FLT3LG: variants seen among roughly 807,000 people sequenced by gnomAD.
FLT3LG encodes the protein fms related receptor tyrosine kinase 3 ligand.
In FLT3LG, 8 loss-of-function variants were observed where a neutral mutation model predicts 30.9. The ratio of observed to expected loss-of-function variants is 0.26; its 90% CI spans 0.15 to 0.47. The LOEUF is 0.47. Among genes scored for constraint, FLT3LG ranks in the 20% least tolerant of loss-of-function variants. FLT3LG has a pLI of 0.99. For missense variants in FLT3LG, 278 were observed against 306.2 expected (o/e 0.91, Z 0.69); for synonymous variants, 123 against 135.9 (o/e 0.91, Z 0.66).
In FLT3LG at chr19:49,480,358, C is replaced by A. The variant is rs201892508; in HGVS notation, c.542C>A (p.Ala181Asp). 18 of 1,610,210 alleles carry A rather than the reference C, an allele frequency of 1.1e-5. No homozygotes were observed. In the East Asian group the frequency reaches 4.0e-4, roughly 36 times the overall value. Reference sequence around the variant, plus strand: ...CCCCTGGAGGCCACAGCCCCGACAGCCCCGCAGCCCCCTCTGCTCCTCCTA... The same window carrying A: ...CCCCTGGAGGCCACAGCCCCGACAGACCCGCAGCCCCCTCTGCTCCTCCTA... ...PRPLEATAPT[A>D]PQPPLLLLLL... Residue 181 changes from alanine (A) to aspartate (D), a missense_variant, in exon 7 of 9, where the codon GCC becomes GAC. Transcript: ENST00000597551.
chr19:49,477,423 G>A (rs988856389), intron 5 of FLT3LG, among the ~76,000 whole-genome samples: 18 of 152,086 alleles, frequency 1.2e-4, no homozygotes, highest in African/African-American at 3.6e-4. Flanking sequence ...CAGCTTGAGC[G>A]ACAGAGCAAG....
At chr19:49,475,966 G>A (rs1413691104) in intron 3 of FLT3LG, 165 bp downstream of exon 3, 30 of 963,650 alleles carry the variant, frequency 3.1e-5, no homozygotes, top group Admixed American at 1.3e-4. Context: ...AATTACAGGC[G>A]TGAGCCACTG....
In FLT3LG at chr19:49,475,818, C is replaced by T. The variant is rs376163720; in HGVS notation, c.144+17C>T. On this transcript the variant is annotated intron_variant, in intron 3 of 8. Coordinates refer to ENST00000597551, the MANE Select transcript of FLT3LG (RefSeq NM_001459.4). Reference sequence around the variant, plus strand: ...CGTGAGCTGGTGAGCGGCGCTGCCCCGGACCCCCTCATGTGATCCCCCTTC... The same window carrying T: ...CGTGAGCTGGTGAGCGGCGCTGCCCTGGACCCCCTCATGTGATCCCCCTTC... The T allele has an allele frequency of 4.5e-5, 72 of 1,608,758 alleles. No homozygotes were observed. Among genetic ancestry groups the T allele is most frequent in the African/African-American group, 6.7e-5 (5 of 74,506 alleles).
chr19:49,476,302 G>T lies in FLT3LG; in HGVS notation c.198+104G>T. The T allele has an allele frequency of 6.9e-7, 1 of 1,449,920 alleles. No individual in the cohort carries two copies. The allele number at this position is 1,449,920 out of a possible 1,614,324, so 89.8% of individuals were successfully genotyped here. A position where few individuals can be genotyped will look rare whatever the true frequency, so the allele number is the denominator to read the frequency against. On this transcript the variant is annotated intron_variant, in intron 4 of 8. Transcript: ENST00000597551. This position sits in a 1 kb window ranked among gnomAD's most constrained non-coding sequence, Gnocchi z 5.3. Reference sequence around the variant, plus strand: ...CAGGCCCTCCCCTCCCCAAACCCAGGAATCAGAGTCCTCAGCCCCTCCTCC... The same window carrying T: ...CAGGCCCTCCCCTCCCCAAACCCAGTAATCAGAGTCCTCAGCCCCTCCTCC...
At chr19:49,475,594 A>AGGAGC in intron 2 of FLT3LG, 97 bp from the exon 3 acceptor site, 1 of 1,446,532 alleles carries the variant, frequency 6.9e-7, no homozygotes, top group Non-Finnish European at 9.2e-7. Flanking sequence ...CCAGGGAAGG[A>AGGAGC]GGAGCGGGGA....
intron 3 of FLT3LG, 42 bp downstream of exon 3, chr19:49,475,843 C>T (rs756749397): frequency 3.4e-6 from 5 of 1,474,258 alleles, no homozygotes; most frequent in Non-Finnish European, 9.2e-7. Context: ...GATCCCCCTT[C>T]CCCCCACTTT....
At position 49,476,284 on chromosome 19, in the gene FLT3LG, TC is replaced by T; in HGVS notation, c.198+90del. On this transcript the variant is annotated intron_variant, in intron 4 of 8. Coordinates refer to ENST00000597551, the MANE Select transcript of FLT3LG (RefSeq NM_001459.4). The surrounding 1 kb of genome is among the most constrained non-coding windows in gnomAD (Gnocchi z 5.3). ...CCGAGGCGAGTGGATAACCAGGCCCTCCCCTCCCCAAACCCAGGAATCAGAG... is the reference window on the plus strand; with the variant it reads ...CCGAGGCGAGTGGATAACCAGGCCCTCCCTCCCCAAACCCAGGAATCAGAG... 6.9e-7 allele frequency: 1 copy of T among 1,442,780 alleles called. No homozygotes were observed. The highest frequency in any genetic ancestry group is 9.7e-7 in the Non-Finnish European group (1 of 1,032,870). 89.4% of individuals were successfully genotyped at this position (1,442,780 alleles called of 1,614,324 possible).
At chr19:49,485,221 T>C (rs1234927362) in intron 8 of FLT3LG, among the ~76,000 whole-genome samples, 2 of 151,404 alleles carry the variant, frequency 1.3e-5, no homozygotes, top group African/African-American at 4.9e-5. Flanking sequence ...AGAGCAAAAA[T>C]AGAGAACGTT....
chr19:49,480,883 T>C, intron 8 of FLT3LG: 1 of 455,120 alleles, frequency 2.2e-6, no homozygotes. Context: ...AATACAAAAA[T>C]TAACTGGGCA....
At position 49,479,024 on chromosome 19, in the gene FLT3LG, G is replaced by C; in HGVS notation, c.458G>C (p.Cys153Ser). ...ATCACTCGCCAGAACTTCTCCCGGTGCCTGGAGCTGCAGTGTCAGCCCGGT... is the reference window on the plus strand; with the variant it reads ...ATCACTCGCCAGAACTTCTCCCGGTCCCTGGAGCTGCAGTGTCAGCCCGGT... Reference protein sequence around the residue: ...PWITRQNFSRCLELQCQPDSS... With the variant: ...PWITRQNFSRSLELQCQPDSS... The change falls in exon 6 of 9, where the codon TGC becomes TCC. Residue 153 changes from cysteine (C) to serine (S), a missense_variant. Physicochemically the swap from Cys to Ser is moderately radical, Grantham distance 112. This residue lies in a region of FLT3LG where 170 missense variants were observed against 162.0 expected (regional missense o/e 1.05). Transcript: ENST00000597551. 1 of 1,608,382 alleles carries C rather than the reference G, an allele frequency of 6.2e-7. No individual in the cohort carries two copies. Among genetic ancestry groups the C allele is most frequent in the South Asian group, 1.1e-5 (1 of 89,758 alleles).
At chr19:49,479,724 T>C (rs1370820143) in intron 6 of FLT3LG, 6 of 174,824 alleles carry the variant, frequency 3.4e-5, no homozygotes, top group Non-Finnish European at 5.0e-5. Context: ...GCCAGGATGG[T>C]CTCGATCTCC....
At chr19:49,474,828 G>GA (rs1405630289) in intron 2 of FLT3LG, among the ~76,000 whole-genome samples, 156 bp downstream of exon 2, 1 of 147,860 alleles carries the variant, frequency 6.8e-6, no homozygotes, top group Non-Finnish European at 1.5e-5. Flanking sequence ...TAGGAGAGGA[G>GA]ACGGACAGAG....
rs912230033 is a variant in FLT3LG, at chr19:49,476,439, G to A, written c.215G>A (p.Gly72Asp). The A allele has an allele frequency of 8.7e-6, 14 of 1,613,334 alleles. No homozygotes were observed. Among genetic ancestry groups the A allele is most frequent in the East Asian group, 2.2e-5 (1 of 44,892 alleles). ...CCCCTCTAGGAGGAGCTCTGCGGGG[G>A]CCTCTGGCGGCTGGTCCTGGCACAG... is the stretch of plus-strand genomic sequence containing the variant. ...SNLQDEELCG[G>D]LWRLVLAQRW... The change falls in exon 5 of 9, where the codon GGC becomes GAC. Residue 72 changes from glycine to aspartate, a missense_variant. This residue lies in a region of FLT3LG where 68 missense variants were observed against 110.0 expected (regional missense o/e 0.62). Transcript: ENST00000597551. The surrounding 1 kb of genome is among the most constrained non-coding windows in gnomAD (Gnocchi z 5.3).
At chr19:49,485,519 C>T (rs1327838077) in intron 8 of FLT3LG, among the ~76,000 whole-genome samples, 4 of 152,148 alleles carry the variant, frequency 2.6e-5, no homozygotes, top group African/African-American at 4.8e-5. Context: ...ACCTCCGCCT[C>T]CCGGGTTCAA....
rs997347570 is a variant in FLT3LG, at chr19:49,480,455, G to A, written c.639G>A (p.Arg213=). The change falls in exon 7 of 9, where the codon AGG becomes AGA. Residue 213 remains arginine, a synonymous_variant. Coordinates refer to ENST00000597551, the MANE Select transcript of FLT3LG (RefSeq NM_001459.4). The part of the protein sequence containing the change: ...WCLHWQRTRR[R]TPRPGEQVPP... ...TGCACTGGCAGAGGACGCGGCGGAG[G>A]ACACCCCGCCCTGGGGAGCAGGTGA... is the stretch of plus-strand genomic sequence containing the variant. The A allele has an allele frequency of 1.3e-6, 2 of 1,589,892 alleles. No individual in the cohort carries two copies. The highest frequency in any genetic ancestry group is 2.7e-5 in the African/African-American group (2 of 74,288).
chr19:49,484,185 T>C (rs1026570613), intron 8 of FLT3LG, among the ~76,000 whole-genome samples: 1 of 149,776 alleles, frequency 6.7e-6, no homozygotes, highest in South Asian at 2.1e-4. Context: ...GCCCAGCCTA[T>C]CTTTTTTTTT....
chr19:49,478,402 G>A (rs1313131075), intron 5 of FLT3LG, among the ~76,000 whole-genome samples: 1 of 151,782 alleles, frequency 6.6e-6, no homozygotes, highest in Non-Finnish European at 1.5e-5. Context: ...AGGAGGCGGA[G>A]CTTGCAGTGA....
intron 8 of FLT3LG, 75 bp downstream of exon 8, chr19:49,480,695 G>T: frequency 6.8e-7 from 1 of 1,473,154 alleles, no homozygotes; most frequent in Non-Finnish European, 9.2e-7. Context: ...GCCATGGAAG[G>T]GTGGTGAGCA....
chr19:49,475,755 AAC>A lies in FLT3LG; in HGVS notation c.102_103del (p.His34GlnfsTer13). 6.2e-7 allele frequency: 1 copy of A among 1,612,500 alleles called. No homozygotes were observed. On this transcript the variant is annotated frameshift_variant, in exon 3 of 9. Coordinates refer to ENST00000597551, the MANE Select transcript of FLT3LG (RefSeq NM_001459.4). LOFTEE classifies it high-confidence loss of function. ...AGTGGGACCCAGGACTGCTCCTTCC[AAC>A]ACAGCCCCATCTCCTCCGACTTCGC...
Sources: allele counts gnomAD v4.1 joint callset (sites outside exome capture counted in the v4.1 genomes callset), GRCh38; gene constraint gnomAD v4.1.1; regional missense constraint gnomAD v4.1.1; non-coding constraint Gnocchi (gnomAD v3.1); transcripts MANE v1.5; gene names NCBI Gene and HGNC (gene_info 2026-07-23, HGNC 2026-07-21).